Variants in CSMD1 observed in about 807,000 individuals in gnomAD.
The protein encoded by CSMD1 is CUB and Sushi multiple domains 1.
A neutral mutation model predicts 417.5 loss-of-function variants in CSMD1; 213 were observed. The observed-to-expected ratio is 0.51, with a 90% CI of 0.46 to 0.57. The LOEUF is 0.57. Ranked by LOEUF, CSMD1 falls within the 20% of genes least tolerant of loss-of-function variation. The pLI is 0.00. For missense variants in CSMD1, 6,923 were observed against 4,529.7 expected, an observed-to-expected ratio of 1.53 and a Z score of -15.17; for synonymous variants, 2,862 against 1,736.8, an observed-to-expected ratio of 1.65 and a Z score of -16.11.
chr8:2,952,159 C>T (rs1042027059), intron 65 of CSMD1, among the ~76,000 whole-genome samples: 4 of 152,154 alleles, frequency 2.6e-5, no homozygotes, highest in African/African-American at 9.7e-5. Context: ...CAGCATTACT[C>T]TTTGTTTTCT....
intron 8 of CSMD1, among the ~76,000 whole-genome samples, chr8:3,589,340 G>C (rs1014415783): frequency 5.9e-5 from 9 of 151,898 alleles, no homozygotes; most frequent in African/African-American, 2.2e-4. Flanking sequence ...ATCAATGCAG[G>C]GGTCCAACAC....
intron 21 of CSMD1, among the ~76,000 whole-genome samples, chr8:3,354,697 AAACT>A (rs2117679108): frequency 6.6e-6 from 1 of 151,986 alleles, no homozygotes; most frequent in East Asian, 1.9e-4. Flanking sequence ...GAAGCAACAG[AAACT>A]AACATTTTAG....
intron 5 of CSMD1, among the ~76,000 whole-genome samples, chr8:3,768,996 G>A (rs1186326462): frequency 1.3e-5 from 2 of 152,244 alleles, no homozygotes; most frequent in Admixed American, 6.5e-5. Context: ...CGCACAGCAG[G>A]CCCACAGCAC....
intron 26 of CSMD1, among the ~76,000 whole-genome samples, chr8:3,269,639 G>C (rs1329097808): frequency 1.3e-5 from 2 of 152,178 alleles, no homozygotes; most frequent in African/African-American, 2.4e-5. Context: ...CCCTGGGACT[G>C]GGGGAGCTGA....
intron 5 of CSMD1, among the ~76,000 whole-genome samples, chr8:3,858,687 G>C (rs1436730122): frequency 6.7e-6 from 1 of 148,294 alleles, no homozygotes; most frequent in African/African-American, 2.5e-5. Context: ...TTTTTTTTCT[G>C]TTCGTAATAC....
At chr8:3,664,663 T>C (rs1227295225) in intron 7 of CSMD1, among the ~76,000 whole-genome samples, 1 of 152,250 alleles carries the variant, frequency 6.6e-6, no homozygotes. Context: ...TCTTTTCTCA[T>C]TGCTTTTGCA....
At chr8:4,360,743 C>T (rs1404969528) in intron 3 of CSMD1, among the ~76,000 whole-genome samples, 5 of 152,136 alleles carry the variant, frequency 3.3e-5, no homozygotes, top group Admixed American at 2.0e-4. Context: ...ATCCGCCTAC[C>T]TCGGCCTCCA....
intron 55 of CSMD1, among the ~76,000 whole-genome samples, chr8:2,978,096 G>GT: frequency 6.6e-6 from 1 of 152,256 alleles, no homozygotes; most frequent in Non-Finnish European, 1.5e-5. Flanking sequence ...AGGATATGAG[G>GT]TTTTTATTGT....
At chr8:3,627,861 C>T (rs1038204437) in intron 7 of CSMD1, among the ~76,000 whole-genome samples, 5 of 152,256 alleles carry the variant, frequency 3.3e-5, no homozygotes, top group Non-Finnish European at 5.9e-5. Context: ...GTTCTTTGTA[C>T]ATTAATTCAC....
intron 5 of CSMD1, among the ~76,000 whole-genome samples, chr8:3,836,010 T>C (rs1159279305): frequency 1.3e-5 from 2 of 152,160 alleles, no homozygotes; most frequent in African/African-American, 4.8e-5. Context: ...TCATTTCTAC[T>C]GTCCTCATTT....
At chr8:3,801,284 T>A (rs1023706706) in intron 5 of CSMD1, among the ~76,000 whole-genome samples, 8 of 151,862 alleles carry the variant, frequency 5.3e-5, no homozygotes, top group Middle Eastern at 6.8e-3. Context: ...CCCTAACAAT[T>A]AAAAATTGGG....
chr8:3,403,044 C>G (rs749991083), intron 15 of CSMD1, among the ~76,000 whole-genome samples: 1 of 151,990 alleles, frequency 6.6e-6, no homozygotes, highest in Non-Finnish European at 1.5e-5. Flanking sequence ...TTATAGTGGA[C>G]TTTTTATGGA....
At chr8:3,837,900 G>A (rs939939690) in intron 5 of CSMD1, among the ~76,000 whole-genome samples, 1 of 151,934 alleles carries the variant, frequency 6.6e-6, no homozygotes, top group Admixed American at 6.6e-5. Context: ...TCTGTCACTT[G>A]GAAATGCACA....
In CSMD1 at chr8:4,078,855, G is replaced by C. The variant is rs145953534; in HGVS notation, c.416-46756C>G. On this transcript the variant is annotated intron_variant, in intron 3 of 69. Transcript: ENST00000635120. ...GTTCAAGATTATGTTGGCCAACGTA[G>C]TGAAAACCTGTCTCTACTAAAATTA... Among the ~76,000 whole-genome samples, 562 of 143,076 alleles carry C rather than the reference G, an allele frequency of 3.9e-3. 19 individuals are homozygous for C. In the East Asian group the frequency reaches 0.063, roughly 16 times the overall value. The allele number at this position is 143,076 out of a possible 152,430, so 93.9% of individuals were successfully genotyped here.
At chr8:3,255,619 G>A (rs1052174645) in intron 26 of CSMD1, among the ~76,000 whole-genome samples, 2 of 152,188 alleles carry the variant, frequency 1.3e-5, no homozygotes, top group African/African-American at 2.4e-5. Flanking sequence ...ATCTCAGACT[G>A]CTGTTCTAGC....
rs186140931 is a variant in CSMD1, at chr8:4,643,473, C to T, written c.86-5915G>A. Among the ~76,000 whole-genome samples the T allele has an allele frequency of 2.4e-3, 360 of 152,220 alleles. 1 individual carries two copies. The highest frequency in any genetic ancestry group is 8.3e-3 in the African/African-American group (346 of 41,546). ...TTCTGGAACACTAAACATTGCCTTACTCCTACTGGACGTAGCTATCAAGCA... is the reference window on the plus strand; with the variant it reads ...TTCTGGAACACTAAACATTGCCTTATTCCTACTGGACGTAGCTATCAAGCA... On this transcript the variant is annotated intron_variant, in intron 1 of 69. Coordinates refer to ENST00000635120, the MANE Select transcript of CSMD1 (RefSeq NM_033225.6).
chr8:3,010,975 C>G (rs757717221), intron 52 of CSMD1, among the ~76,000 whole-genome samples: 4 of 152,092 alleles, frequency 2.6e-5, no homozygotes, highest in Admixed American at 6.6e-5. Flanking sequence ...ATCTGCCCAC[C>G]TCGGCCTCCC....
chr8:4,103,265 T>TTATATATATA (rs143710123), intron 3 of CSMD1, among the ~76,000 whole-genome samples: 28 of 150,090 alleles, frequency 1.9e-4, no homozygotes, highest in Admixed American at 4.0e-4. Context: ...TATACATACA[T>TTATATATATA]TATATATATC....
intron 5 of CSMD1, among the ~76,000 whole-genome samples, chr8:3,938,037 C>A (rs754979347): frequency 6.6e-6 from 1 of 152,198 alleles, no homozygotes; most frequent in Non-Finnish European, 1.5e-5. Context: ...AATAAAAATG[C>A]TTTCCTAATT....
Sources: allele counts gnomAD v4.1 joint callset (sites outside exome capture counted in the v4.1 genomes callset), GRCh38; gene constraint gnomAD v4.1.1; transcripts MANE v1.5; gene names NCBI Gene and HGNC (gene_info 2026-07-23, HGNC 2026-07-21).